RBFOX1: variants seen among roughly 807,000 people sequenced by gnomAD.
RBFOX1 encodes RNA binding protein fox-1 homolog 1.
A neutral mutation model predicts 57.7 loss-of-function variants in RBFOX1; 8 were observed. The observed-to-expected ratio is 0.14, with a 90% CI of 0.08 to 0.25. The LOEUF (loss-of-function observed/expected upper bound fraction) is 0.25, where lower values mean the gene tolerates loss of function less well. Among genes scored for constraint, RBFOX1 ranks in the 10% least tolerant of loss-of-function variants. The pLI, the probability that RBFOX1 is intolerant of heterozygous loss-of-function variation, is 1.00. For missense variants in RBFOX1, 611 were observed against 548.5 expected (o/e 1.11, Z -1.14); for synonymous variants, 326 against 222.4 (o/e 1.47, Z -4.15).
At chr16:6,813,777 C>T (rs571574412) in intron 3 of RBFOX1, among the ~76,000 whole-genome samples, 5 of 152,180 alleles carry the variant, frequency 3.3e-5, no homozygotes, top group East Asian at 1.9e-4. Context: ...GCAGCAGGCA[C>T]CTGCAGAGAT....
At chr16:7,135,134 A>C (rs1407784785) in intron 4 of RBFOX1, among the ~76,000 whole-genome samples, 3 of 152,176 alleles carry the variant, frequency 2.0e-5, no homozygotes, top group Non-Finnish European at 1.5e-5. Flanking sequence ...GTATGTTAGA[A>C]AAGGAATTTC....
intron 2 of RBFOX1, among the ~76,000 whole-genome samples, chr16:6,333,098 G>A (rs2083237099): frequency 6.6e-6 from 1 of 151,810 alleles, no homozygotes. Context: ...GGAGTGCGGT[G>A]GCATGATGTC....
chr16:5,836,555 A>C (rs1049186156), intron 3 of RBFOX1, among the ~76,000 whole-genome samples: 1 of 152,160 alleles, frequency 6.6e-6, no homozygotes, highest in Non-Finnish European at 1.5e-5. Flanking sequence ...TTCATCCCCA[A>C]GTCCTGCCAG....
rs544956066 is a variant in RBFOX1, at chr16:6,104,099, T to C, written c.-127+84107T>C. ...CTGAATAGCAACAGTCATAGCCTTC[T>C]AATTAGGGACATCATAGGTTTCTCC... On this transcript the variant is annotated intron_variant, in intron 1 of 15. Coordinates refer to ENST00000550418, the MANE Select transcript of RBFOX1 (RefSeq NM_018723.4). Among the ~76,000 whole-genome samples, 5 of 152,016 alleles carry C rather than the reference T, an allele frequency of 3.3e-5. No individual in the cohort carries two copies. In the South Asian group the frequency reaches 1.0e-3, roughly 32 times the overall value.
chr16:5,275,134 G>A (rs1006405088), intron 1 of RBFOX1, among the ~76,000 whole-genome samples: 8 of 152,164 alleles, frequency 5.3e-5, no homozygotes, highest in Non-Finnish European at 1.5e-5. Context: ...CAAGGAAGAG[G>A]TACAGTGTAT....
chr16:6,886,303 C>G (rs369059030), intron 3 of RBFOX1, among the ~76,000 whole-genome samples: 1 of 151,974 alleles, frequency 6.6e-6, no homozygotes, highest in Non-Finnish European at 1.5e-5. Context: ...CTCACGTGAT[C>G]TGCCCACCTC....
chr16:6,270,547 A>C (rs907272560), intron 1 of RBFOX1, among the ~76,000 whole-genome samples: 8 of 152,160 alleles, frequency 5.3e-5, no homozygotes, highest in African/African-American at 1.2e-4. Flanking sequence ...GCATTCCTAA[A>C]TGTGCACTCA....
intron 4 of RBFOX1, among the ~76,000 whole-genome samples, chr16:7,341,795 C>CTTCT (rs2096902217): frequency 4.5e-5 from 4 of 89,282 alleles, no homozygotes; most frequent in Non-Finnish European, 9.4e-5. Flanking sequence ...TCCTTCCTTC[C>CTTCT]TTCCTTCCTT....
intron 2 of RBFOX1, among the ~76,000 whole-genome samples, chr16:6,634,718 A>G (rs11866193): frequency 0.22 from 30,439 of 141,036 alleles, 3,570 homozygotes; most frequent in Admixed American, 0.27. Flanking sequence ...TATTAAATAT[A>G]TAATACAAAG....
intron 2 of RBFOX1, among the ~76,000 whole-genome samples, chr16:6,481,617 G>C (rs878013): frequency 0.18 from 27,313 of 152,146 alleles, 2,543 homozygotes; most frequent in Middle Eastern, 0.23. Context: ...CAGGGTTCTG[G>C]ATAAGCGAAA....
At chr16:7,113,583 A>G (rs144224863) in intron 4 of RBFOX1, among the ~76,000 whole-genome samples, 21 of 152,326 alleles carry the variant, frequency 1.4e-4, no homozygotes, top group African/African-American at 5.1e-4. Context: ...GAGCCACATG[A>G]TGAATGTATG....
chr16:5,343,549 C>G (rs1011526843), intron 1 of RBFOX1, among the ~76,000 whole-genome samples: 20 of 151,930 alleles, frequency 1.3e-4, no homozygotes, highest in Non-Finnish European at 4.4e-5. Flanking sequence ...TCTTGATATC[C>G]TGTCCTCGTG....
In RBFOX1 at chr16:7,402,222, C is replaced by A. The variant is rs565603099; in HGVS notation, c.28-115925C>A. Among the ~76,000 whole-genome samples, 194 of 152,218 alleles carry A rather than the reference C, an allele frequency of 1.3e-3. 1 individual carries two copies. Among genetic ancestry groups the A allele is most frequent in the South Asian group, 7.1e-3 (34 of 4,820 alleles). On this transcript the variant is annotated intron_variant, in intron 4 of 15. Coordinates refer to ENST00000550418, the MANE Select transcript of RBFOX1 (RefSeq NM_018723.4). Reference sequence around the variant, plus strand: ...CATTTAAGTACTCACTGAGTCTTGTCTGAAGACTCACCTGTAAGGGAGGGT... The same window carrying A: ...CATTTAAGTACTCACTGAGTCTTGTATGAAGACTCACCTGTAAGGGAGGGT...
intron 1 of RBFOX1, among the ~76,000 whole-genome samples, chr16:5,450,774 G>C (rs1032530650): frequency 6.6e-6 from 1 of 152,190 alleles, no homozygotes; most frequent in Non-Finnish European, 1.5e-5. Context: ...GCCCCCTTGT[G>C]ACTTTGGGTA....
At chr16:7,116,452 C>A (rs1439005986) in intron 4 of RBFOX1, among the ~76,000 whole-genome samples, 1 of 152,154 alleles carries the variant, frequency 6.6e-6, no homozygotes, top group Non-Finnish European at 1.5e-5. Flanking sequence ...CCATCCCAAA[C>A]TCTCCTCTCA....
In RBFOX1 at chr16:7,327,332, C is replaced by T. The variant is rs180878349; in HGVS notation, c.28-190815C>T. 4.0e-3 allele frequency among the ~76,000 whole-genome samples: 616 copies of T among 152,220 alleles called. 5 individuals are homozygous for T. Among genetic ancestry groups the T allele is most frequent in the Non-Finnish European group, 3.1e-3 (214 of 67,994 alleles). ...AAGAAAAGAGTGATCTGTAGAAAAA[C>T]GGAAAATTTGTATCGGAGGATGAAT... On this transcript the variant is annotated intron_variant, in intron 4 of 15. Transcript: ENST00000550418.
At chr16:5,999,301 C>T (rs562579349) in intron 4 of RBFOX1, among the ~76,000 whole-genome samples, 1 of 152,300 alleles carries the variant, frequency 6.6e-6, no homozygotes, top group South Asian at 2.1e-4. Context: ...TGCTTCTTCC[C>T]CAAACTAACT....
At position 7,591,068 on chromosome 16, in the gene RBFOX1, A is replaced by G. The variant is rs370562078; in HGVS notation, c.468+3768A>G. 1.1e-4 allele frequency among the ~76,000 whole-genome samples: 17 copies of G among 152,214 alleles called. No individual in the cohort carries two copies. The East Asian group carries it at 2.9e-3, about 26-fold the overall frequency. ...CTGTTCTGCGGTGATGGGAGAGGCCACTGAGAGTCCGGACAGGCAGGCTGA... is the reference window on the plus strand; with the variant it reads ...CTGTTCTGCGGTGATGGGAGAGGCCGCTGAGAGTCCGGACAGGCAGGCTGA... On this transcript the variant is annotated intron_variant, in intron 7 of 15. Transcript: ENST00000550418.
At chr16:6,843,996 A>T (rs915735538) in intron 3 of RBFOX1, among the ~76,000 whole-genome samples, 1 of 152,074 alleles carries the variant, frequency 6.6e-6, no homozygotes, top group African/African-American at 2.4e-5. Flanking sequence ...TTAACAAAGG[A>T]TATGGCATTT....
Sources: gnomAD v4.1 joint callset for allele counts (sites outside exome capture counted in the v4.1 genomes callset) on GRCh38, gnomAD v4.1.1 for gene constraint, MANE v1.5 for transcripts, NCBI Gene and HGNC (gene_info 2026-07-23, HGNC 2026-07-21) for gene names.